The following GNAQ variants were observed in gnomAD, a reference collection of about 807,000 sequenced individuals.
GNAQ encodes the protein guanine nucleotide-binding protein G(q) subunit alpha.
In GNAQ, 8 loss-of-function variants were observed where a neutral mutation model predicts 43.9. The ratio of observed to expected loss-of-function variants is 0.18; its 90% CI spans 0.11 to 0.33. GNAQ has a LOEUF of 0.33. GNAQ is among the 10% of genes least tolerant of loss of function. GNAQ has a pLI of 1.00. For synonymous variants in GNAQ, 155 were observed against 170.7 expected, an observed-to-expected ratio of 0.91 and a Z score of 0.71; for missense variants, 158 against 450.8, an observed-to-expected ratio of 0.35 and a Z score of 5.88.
At chr9:77,788,712 G>T (rs552458356) in intron 5 of GNAQ, among the ~76,000 whole-genome samples, 27 of 152,264 alleles carry the variant, frequency 1.8e-4, no homozygotes, top group Middle Eastern at 3.4e-3. Context: ...TATAGAAATA[G>T]AAGTAAACAA....
chr9:77,917,990 G>C (rs1828938525), intron 2 of GNAQ, among the ~76,000 whole-genome samples: 1 of 152,168 alleles, frequency 6.6e-6, no homozygotes, highest in African/African-American at 2.4e-5. Context: ...ATTTGGTCCA[G>C]AGACTGTGAA....
chr9:78,018,517 A>G (rs985770589), intron 1 of GNAQ, among the ~76,000 whole-genome samples: 2 of 152,212 alleles, frequency 1.3e-5, no homozygotes, highest in African/African-American at 4.8e-5. Flanking sequence ...ATGTAATTAA[A>G]TAACAGAATG....
intron 2 of GNAQ, among the ~76,000 whole-genome samples, chr9:77,864,214 A>G (rs1296437336): frequency 6.0e-5 from 9 of 150,942 alleles, no homozygotes; most frequent in East Asian, 5.9e-4. Context: ...AGGGACTAAC[A>G]GAGCGCGAAT....
chr9:77,840,351 T>G (rs1160642859), intron 2 of GNAQ, among the ~76,000 whole-genome samples: 1 of 103,678 alleles, frequency 9.6e-6, no homozygotes, highest in Non-Finnish European at 2.3e-5. Flanking sequence ...TGATTACTTT[T>G]TGTTTTTTTT....
intron 2 of GNAQ, among the ~76,000 whole-genome samples, chr9:77,827,960 T>C (rs1827228487): frequency 6.8e-6 from 1 of 147,154 alleles, no homozygotes; most frequent in Non-Finnish European, 1.5e-5. Context: ...CTTGGGAGGC[T>C]GAGGCAGGAG....
chr9:77,718,726 A>ATTTTTTTT lies in GNAQ; in HGVS notation c.*2589_*2596dup, dbSNP rs754786107. Reference sequence around the variant, plus strand: ...GTAGGCCTTCAAATGTTGTTGTTTAATTTTTTTTTTTTTTTTTTTTTTTTT... The same window carrying ATTTTTTTT: ...GTAGGCCTTCAAATGTTGTTGTTTAATTTTTTTTTTTTTTTTTTTTTTTTTTTTTTTTT... On this transcript the variant is annotated 3_prime_UTR_variant, in exon 7 of 7. Coordinates refer to ENST00000286548, the MANE Select transcript of GNAQ (RefSeq NM_002072.5). The ATTTTTTTT allele has an allele frequency of 2.5e-3, 288 of 114,284 alleles. 21 individuals carry two copies. The highest frequency in any genetic ancestry group is 3.9e-3 in the African/African-American group (90 of 22,972). The allele number at this position is 114,284 out of a possible 1,614,324, so 7.1% of individuals were successfully genotyped here.
chr9:78,000,142 C>T (rs1327974064), intron 1 of GNAQ, among the ~76,000 whole-genome samples: 1 of 152,104 alleles, frequency 6.6e-6, no homozygotes, highest in Non-Finnish European at 1.5e-5. Context: ...AATCTATCAT[C>T]TTAAATTACA....
chr9:77,874,560 C>T (rs1376376852), intron 2 of GNAQ, among the ~76,000 whole-genome samples: 1 of 152,074 alleles, frequency 6.6e-6, no homozygotes, highest in Non-Finnish European at 1.5e-5. Context: ...CCTCAAAATC[C>T]CTTGAATTCT....
intron 1 of GNAQ, among the ~76,000 whole-genome samples, chr9:77,956,341 A>G (rs1203718411): frequency 6.6e-6 from 1 of 152,230 alleles, no homozygotes; most frequent in Non-Finnish European, 1.5e-5. Flanking sequence ...GTACAAATTT[A>G]AGATTCCTAG....
chr9:77,822,629 A>T (rs1475796455), intron 2 of GNAQ, among the ~76,000 whole-genome samples: 1 of 151,762 alleles, frequency 6.6e-6, no homozygotes, highest in East Asian at 1.9e-4. Context: ...TTGATTAAAA[A>T]AAAAAAAAAA....
intron 1 of GNAQ, among the ~76,000 whole-genome samples, chr9:77,960,459 C>T (rs1372484934): frequency 6.6e-6 from 1 of 152,118 alleles, no homozygotes; most frequent in African/African-American, 2.4e-5. Context: ...TGCCCTGTTA[C>T]CCCTGGCCCT....
intron 1 of GNAQ, among the ~76,000 whole-genome samples, chr9:78,019,729 C>T (rs965403530): frequency 2.6e-5 from 4 of 151,830 alleles, no homozygotes; most frequent in African/African-American, 9.7e-5. Flanking sequence ...TTGAGAGGAG[C>T]CTGACCAACA....
intron 2 of GNAQ, among the ~76,000 whole-genome samples, chr9:77,914,249 T>C (rs983015500): frequency 3.3e-5 from 5 of 152,304 alleles, no homozygotes; most frequent in East Asian, 1.9e-4. Context: ...AGAGACTCCA[T>C]GGTGATTCAA....
At chr9:77,723,945 CA>C (rs1435010325) in intron 6 of GNAQ, among the ~76,000 whole-genome samples, 1 of 152,030 alleles carries the variant, frequency 6.6e-6, no homozygotes, top group African/African-American at 2.4e-5. Context: ...AGTACTATAT[CA>C]AAACCCACTG....
chr9:77,922,451 C>G, intron 1 of GNAQ, 106 bp from the exon 2 acceptor site: 1 of 723,026 alleles, frequency 1.4e-6, no homozygotes, highest in Non-Finnish European at 2.3e-6. Context: ...AGATAGCCTG[C>G]TGAGAGGAGC....
chr9:77,905,928 CA>C (rs1318614701), intron 2 of GNAQ, among the ~76,000 whole-genome samples: 1 of 152,012 alleles, frequency 6.6e-6, no homozygotes, highest in African/African-American at 2.4e-5. Flanking sequence ...TGGGAGCTGT[CA>C]GGGGGTGGGA....
chr9:77,842,678 TA>T, intron 2 of GNAQ, among the ~76,000 whole-genome samples: 1 of 152,108 alleles, frequency 6.6e-6, no homozygotes, highest in East Asian at 1.9e-4. Flanking sequence ...TTTCCCATGC[TA>T]GGATTCTCTC....
intron 2 of GNAQ, among the ~76,000 whole-genome samples, chr9:77,839,112 A>G (rs984400849): frequency 5.3e-5 from 8 of 152,116 alleles, no homozygotes; most frequent in African/African-American, 1.2e-4. Flanking sequence ...TCTAGTTCTC[A>G]GACTCCATCT....
intron 2 of GNAQ, among the ~76,000 whole-genome samples, chr9:77,920,635 C>G (rs1828982984): frequency 6.6e-6 from 1 of 152,148 alleles, no homozygotes; most frequent in South Asian, 2.1e-4. Context: ...TTAGATATAT[C>G]CATGCAGCTT....
Sources: gnomAD v4.1 joint callset for allele counts (sites outside exome capture counted in the v4.1 genomes callset) on GRCh38, gnomAD v4.1.1 for gene constraint, MANE v1.5 for transcripts, NCBI Gene and HGNC (gene_info 2026-07-23, HGNC 2026-07-21) for gene names.